ZNF445: variants seen among roughly 807,000 people sequenced by gnomAD.
ZNF445 encodes zinc finger protein 168.
Under a neutral mutation model 93.9 loss-of-function variants are expected in ZNF445, and 19 were observed. The ratio of observed to expected loss-of-function variants is 0.20; its 90% CI spans 0.14 to 0.30. The LOEUF (loss-of-function observed/expected upper bound fraction) is 0.30. ZNF445 is among the 10% of genes least tolerant of loss of function. ZNF445 has a pLI of 1.00. For missense variants in ZNF445, 1,058 were observed against 1,259.4 expected, an observed-to-expected ratio of 0.84 and a Z score of 2.42; for synonymous variants, 449 against 446.3, an observed-to-expected ratio of 1.01 and a Z score of -0.08.
chr3:44,435,246 G>A lies in ZNF445; in HGVS notation c.*11329C>T, dbSNP rs1425029969. On this transcript the variant is annotated 3_prime_UTR_variant, in exon 8 of 8. Coordinates refer to ENST00000396077, the MANE Select transcript of ZNF445 (RefSeq NM_181489.6). ...CTCATCTTTGGGGAGGTGAATTTGAGAGCCATTCTCCCATCTCCTCACTGG... is the reference window on the plus strand; with the variant it reads ...CTCATCTTTGGGGAGGTGAATTTGAAAGCCATTCTCCCATCTCCTCACTGG... 6.6e-6 allele frequency: 1 copy of A among 152,116 alleles called. No homozygotes were observed. Among genetic ancestry groups the A allele is most frequent in the Non-Finnish European group, 1.5e-5 (1 of 68,032 alleles). The allele number at this position is 152,116 out of a possible 1,614,324, so 9.4% of individuals were successfully genotyped here.
chr3:44,477,596 C>T lies in ZNF445; in HGVS notation c.-274G>A, dbSNP rs1268678384. Reference sequence around the variant, plus strand: ...CGCCCCGCCAGGCCTCTCACCGACTCCCGCCGCCGAGCGACAATCGGTCCA... The same window carrying T: ...CGCCCCGCCAGGCCTCTCACCGACTTCCGCCGCCGAGCGACAATCGGTCCA... On this transcript the variant is annotated 5_prime_UTR_variant, in exon 1 of 8. Coordinates refer to ENST00000396077, the MANE Select transcript of ZNF445 (RefSeq NM_181489.6). The T allele has an allele frequency of 6.6e-6, 1 of 152,532 alleles. No homozygotes were observed. Among genetic ancestry groups the T allele is most frequent in the African/African-American group, 2.4e-5 (1 of 41,412 alleles). The allele number at this position is 152,532 out of a possible 1,614,324, so 9.4% of individuals were successfully genotyped here. A position where few individuals can be genotyped will look rare whatever the true frequency, so the allele number is the denominator to read the frequency against.
rs945122240 is a variant in ZNF445, at chr3:44,438,363, T to C, written c.*8212A>G. 2.0e-5 allele frequency: 3 copies of C among 152,088 alleles called. No individual in the cohort carries two copies. Among genetic ancestry groups the C allele is most frequent in the Non-Finnish European group, 4.4e-5 (3 of 68,010 alleles). The allele number at this position is 152,088 out of a possible 1,614,324, so 9.4% of individuals were successfully genotyped here. A position where few individuals can be genotyped will look rare whatever the true frequency, so the allele number is the denominator to read the frequency against. On this transcript the variant is annotated 3_prime_UTR_variant, in exon 8 of 8. Coordinates refer to ENST00000396077, the MANE Select transcript of ZNF445 (RefSeq NM_181489.6). ...TTAATAGAGATGGGGTTTCACCATA[T>C]TGGCCAGGCTGGCTGGTCTCAATCT...
intron 7 of ZNF445, 121 bp from the exon 8 acceptor site, chr3:44,448,860 T>C: frequency 2.5e-6 from 3 of 1,219,248 alleles, no homozygotes; most frequent in Non-Finnish European, 3.4e-6. Flanking sequence ...AATACCTTTA[T>C]AAAATAGTCA....
intron 2 of ZNF445, among the ~76,000 whole-genome samples, chr3:44,457,187 T>C (rs183555258): frequency 6.6e-6 from 1 of 152,300 alleles, no homozygotes; most frequent in East Asian, 1.9e-4. Flanking sequence ...AATGTTTGTT[T>C]CTTCATACCT....
In ZNF445 at chr3:44,449,324, G is replaced by A. The variant is rs1034170312; in HGVS notation, c.931+189C>T. Among the ~76,000 whole-genome samples the A allele has an allele frequency of 3.3e-5, 5 of 152,260 alleles. 1 individual carries two copies. Among genetic ancestry groups the A allele is most frequent in the Non-Finnish European group, 5.9e-5 (4 of 68,016 alleles). On this transcript the variant is annotated intron_variant, in intron 7 of 7. Coordinates refer to ENST00000396077, the MANE Select transcript of ZNF445 (RefSeq NM_181489.6). ...AGGGGACAGGAGAATAGACATGGCC[G>A]GAAATGAATGACCTCTCGGAGGCCA...
rs1697637229 is a variant in ZNF445 at position 44,434,557 on chromosome 3, A to G, written c.*12018T>C. 1 of 152,160 alleles carries G rather than the reference A, an allele frequency of 6.6e-6. No homozygotes were observed. The highest frequency in any genetic ancestry group is 2.4e-5 in the African/African-American group (1 of 41,448). The allele number at this position is 152,160 out of a possible 1,614,324, so 9.4% of individuals were successfully genotyped here. ...TCCCTGTACACCAGGTCCAGTGACT[A>G]TAATGTCATCAATATAATGGACCAG... On this transcript the variant is annotated 3_prime_UTR_variant, in exon 8 of 8. Coordinates refer to ENST00000396077, the MANE Select transcript of ZNF445 (RefSeq NM_181489.6).
chr3:44,433,974 T>C lies in ZNF445; in HGVS notation c.*12601A>G, dbSNP rs1452307399. The C allele has an allele frequency of 2.6e-5, 4 of 152,204 alleles. No homozygotes were observed. Among genetic ancestry groups the C allele is most frequent in the African/African-American group, 9.7e-5 (4 of 41,444 alleles). 9.4% of individuals were successfully genotyped at this position (152,204 alleles called of 1,614,324 possible). On this transcript the variant is annotated 3_prime_UTR_variant, in exon 8 of 8. Transcript: ENST00000396077. ...GGAATGGCTGCTGAGGACTGAGAAC[T>C]AGAGCTGAGACTCCCAGGCAGCCCC...
intron 1 of ZNF445, among the ~76,000 whole-genome samples, chr3:44,470,348 CGTACAACCGT>C (rs1293064947): frequency 6.6e-6 from 1 of 152,140 alleles, no homozygotes; most frequent in African/African-American, 2.4e-5. Flanking sequence ...GAAAACAAAA[CGTACAACCGT>C]GTGTGTGTGT....
Position 44,432,783 on chromosome 3 carries a change from C to T in ZNF445, c.*13792G>A, listed in dbSNP as rs1697585137. 1 of 152,256 alleles carries T rather than the reference C, an allele frequency of 6.6e-6. No individual in the cohort carries two copies. Among genetic ancestry groups the T allele is most frequent in the African/African-American group, 2.4e-5 (1 of 41,442 alleles). 9.4% of individuals were successfully genotyped at this position (152,256 alleles called of 1,614,324 possible). A position where few individuals can be genotyped will look rare whatever the true frequency, so the allele number is the denominator to read the frequency against. On this transcript the variant is annotated 3_prime_UTR_variant, in exon 8 of 8. Transcript: ENST00000396077. ...CCAGTCCTCCAACATCCCAGCTTCC[C>T]TCTTACATCCCTGAATGGCAGAACC...
intron 1 of ZNF445, among the ~76,000 whole-genome samples, chr3:44,472,364 C>T (rs918387911): frequency 2.6e-5 from 4 of 152,210 alleles, no homozygotes; most frequent in African/African-American, 9.6e-5. Flanking sequence ...CCTACAACAG[C>T]TAACTTCCAG....
At chr3:44,474,904 G>A (rs1027094367) in intron 1 of ZNF445, among the ~76,000 whole-genome samples, 2 of 152,062 alleles carry the variant, frequency 1.3e-5, no homozygotes, top group African/African-American at 4.8e-5. Context: ...GGCCGAGGCA[G>A]GTGGATCACC....
rs771361719 is a variant in ZNF445, at chr3:44,447,766, T to C, written c.1905A>G (p.Arg635=). The change falls in exon 8 of 8, where the codon AGA becomes AGG. Residue 635 remains arginine, a synonymous_variant. Transcript: ENST00000396077. This position sits in a 1 kb window ranked among gnomAD's most constrained non-coding sequence, Gnocchi z 4.7. ...TATGACGAGTAAAGTTTGATCTCCA[T>C]CTAAAGGTTTTCCTACATTTGGTAC... ...YKCTKCRKTF[R]WRSNFTRHMR... is the part of the protein sequence containing the mutation. 6.2e-6 allele frequency: 10 copies of C among 1,614,172 alleles called. No homozygotes were observed. The East Asian group carries it at 1.3e-4, about 22-fold the overall frequency.
rs531513893 is a variant in ZNF445 at position 44,445,833 on chromosome 3, T to C, written c.*742A>G. 6.6e-6 allele frequency: 1 copy of C among 152,620 alleles called. No individual in the cohort carries two copies. The highest frequency in any genetic ancestry group is 1.9e-4 in the East Asian group (1 of 5,196). 9.5% of individuals were successfully genotyped at this position (152,620 alleles called of 1,614,324 possible). A position where few individuals can be genotyped will look rare whatever the true frequency, so the allele number is the denominator to read the frequency against. On this transcript the variant is annotated 3_prime_UTR_variant, in exon 8 of 8. Transcript: ENST00000396077. The stretch of plus-strand genomic sequence containing the variant: ...TCCAAGATGGCAGGATTTTCATCTG[T>C]TCTGGTCCCTGCTGGGTCTCTGGCA...
At chr3:44,473,484 CACACACAA>C (rs147323724) in intron 1 of ZNF445, among the ~76,000 whole-genome samples, 25,949 of 104,694 alleles carry the variant, frequency 0.25, 4,004 homozygotes, top group East Asian at 0.8. Context: ...CACACACACA[CACACACAA>C]AAAATGCTTT....
intron 1 of ZNF445, among the ~76,000 whole-genome samples, chr3:44,465,522 G>C (rs1037847877): frequency 6.6e-6 from 1 of 152,196 alleles, no homozygotes; most frequent in African/African-American, 2.4e-5. Flanking sequence ...CTGATCTGCT[G>C]TTTGATGGAA....
chr3:44,461,345 G>A (rs1230374020), intron 1 of ZNF445, among the ~76,000 whole-genome samples: 2 of 148,840 alleles, frequency 1.3e-5, no homozygotes, highest in Non-Finnish European at 3.0e-5. Flanking sequence ...CAATCAGGAA[G>A]ATTTCGAGGA....
rs145246075 is a variant in ZNF445, at chr3:44,451,478, G to C, written c.434C>G (p.Pro145Arg). ...CACATCTGGGCTCTGGGCAGGGCCC[G>C]GGTCCTGGCAAGAAGAAAATGTTGT... is the stretch of plus-strand genomic sequence containing the variant. ...RDLDGTSWRD[P>R]GPAQSPDVHW... The change falls in exon 4 of 8, where the codon CCG becomes CGG. Residue 145 changes from proline to arginine, a missense_variant. Physicochemically the swap from Pro to Arg is moderately radical, Grantham distance 103. This residue lies in a region of ZNF445 where 657 missense variants were observed against 746.4 expected (regional missense o/e 0.88). Transcript: ENST00000396077. 1 of 1,600,580 alleles carries C rather than the reference G, an allele frequency of 6.2e-7. No individual in the cohort carries two copies. The highest frequency in any genetic ancestry group is 8.5e-7 in the Non-Finnish European group (1 of 1,170,242).
chr3:44,448,920 A>G (rs1697917886), intron 7 of ZNF445, among the ~76,000 whole-genome samples, 181 bp from the exon 8 acceptor site: 1 of 152,272 alleles, frequency 6.6e-6, no homozygotes, highest in Non-Finnish European at 1.5e-5. Flanking sequence ...GGAAGGGAGA[A>G]GAAAAGCAAG....
At chr3:44,450,083 G>C (rs1697935892) in intron 6 of ZNF445, 1 of 309,910 alleles carries the variant, frequency 3.2e-6, no homozygotes, top group African/African-American at 2.2e-5. Flanking sequence ...TGGGATTACA[G>C]GCGTGCGTAC....
Sources: gnomAD v4.1 joint callset for allele counts (sites outside exome capture counted in the v4.1 genomes callset) on GRCh38, gnomAD v4.1.1 for gene constraint, gnomAD v4.1.1 regional missense constraint, Gnocchi (gnomAD v3.1) non-coding constraint, MANE v1.5 for transcripts, NCBI Gene and HGNC (gene_info 2026-07-23, HGNC 2026-07-21) for gene names.